Variants in DDX6 observed in about 807,000 individuals in gnomAD.
DDX6 encodes the protein DEAD-box helicase 6.
Under a neutral mutation model 60.6 loss-of-function variants are expected in DDX6, and 7 were observed. That is an observed-to-expected ratio of 0.12 (90% CI 0.07 to 0.22). The LOEUF is 0.22. Among genes scored for constraint, DDX6 ranks in the 10% least tolerant of loss-of-function variants. DDX6 has a pLI of 1.00. For synonymous variants in DDX6, 207 were observed against 201.0 expected, an observed-to-expected ratio of 1.03 and a Z score of -0.25; for missense variants, 270 against 589.9, an observed-to-expected ratio of 0.46 and a Z score of 5.62.
intron 4 of DDX6, among the ~76,000 whole-genome samples, chr11:118,774,997 C>T (rs546430581): frequency 4.6e-5 from 7 of 152,110 alleles, no homozygotes; most frequent in Non-Finnish European, 1.0e-4. Flanking sequence ...GATGGGTGCA[C>T]CCAAATCTCA....
intron 13 of DDX6, among the ~76,000 whole-genome samples, chr11:118,753,804 A>G (rs1555158048): frequency 6.6e-6 from 1 of 152,118 alleles, no homozygotes; most frequent in Non-Finnish European, 1.5e-5. Flanking sequence ...TTCATATTCA[A>G]AACTGCTGGC....
At chr11:118,756,400 C>T (rs935245913) in intron 10 of DDX6, 77 bp from the exon 11 acceptor site, 49 of 1,169,636 alleles carry the variant, frequency 4.2e-5, no homozygotes, top group African/African-American at 1.4e-4. Context: ...TTCTCCCAGA[C>T]GATCAGTTCT....
intron 7 of DDX6, among the ~76,000 whole-genome samples, chr11:118,762,373 T>C (rs1555160441): frequency 6.6e-6 from 1 of 152,014 alleles, no homozygotes; most frequent in East Asian, 1.9e-4. Flanking sequence ...TAGATCCTCC[T>C]TGACTTACAA....
intron 7 of DDX6, among the ~76,000 whole-genome samples, chr11:118,762,763 C>T (rs1555160520): frequency 6.6e-6 from 1 of 152,126 alleles, no homozygotes; most frequent in Admixed American, 6.6e-5. Context: ...ATGGCTAGAT[C>T]CCAGGACTAC....
intron 4 of DDX6, among the ~76,000 whole-genome samples, chr11:118,770,205 T>C (rs1861491719): frequency 6.6e-6 from 1 of 151,926 alleles, no homozygotes; most frequent in South Asian, 2.1e-4. Flanking sequence ...CTTGTATTTT[T>C]AGTAGAGACG....
chr11:118,773,660 G>GAA (rs880002071), intron 4 of DDX6, among the ~76,000 whole-genome samples: 10 of 144,076 alleles, frequency 6.9e-5, no homozygotes, highest in South Asian at 2.2e-4. Flanking sequence ...TGCTTAACAG[G>GAA]AAAAAAAAAA....
At chr11:118,783,197 C>T (rs533462673) in intron 2 of DDX6, among the ~76,000 whole-genome samples, 7 of 152,038 alleles carry the variant, frequency 4.6e-5, no homozygotes, top group South Asian at 4.2e-4. Context: ...TTTGAAGAAC[C>T]GCAGAACTGA....
chr11:118,782,831 G>C (rs1861943887), intron 2 of DDX6, among the ~76,000 whole-genome samples: 1 of 152,078 alleles, frequency 6.6e-6, no homozygotes, highest in African/African-American at 2.4e-5. Context: ...TTTTAGTAGA[G>C]ACGGGGATTC....
rs941409680 is a variant in DDX6 at position 118,786,236 on chromosome 11, T to C, written c.16A>G (p.Thr6Ala). The change falls in exon 2 of 14, where the codon ACA (threonine) becomes GCA (alanine). Residue 6 changes from threonine to alanine, a missense_variant. Transcript: ENST00000534980. Reference protein sequence around the residue: MSTARTENPVIMGLSS... With the variant: MSTARAENPVIMGLSS... Reference sequence around the variant, plus strand: ...AGACCCATTATAACAGGGTTCTCTGTTCTGGCCGTGCTCATGCTGTTTTAA... The same window carrying C: ...AGACCCATTATAACAGGGTTCTCTGCTCTGGCCGTGCTCATGCTGTTTTAA... 4.4e-6 allele frequency: 7 copies of C among 1,608,952 alleles called. No homozygotes were observed. The highest frequency in any genetic ancestry group is 5.9e-6 in the Non-Finnish European group (7 of 1,177,650).
chr11:118,786,320 A>G lies in DDX6; in HGVS notation c.-69T>C. 7.4e-7 allele frequency: 1 copy of G among 1,357,734 alleles called. No homozygotes were observed. Among genetic ancestry groups the G allele is most frequent in the African/African-American group, 1.5e-5 (1 of 68,836 alleles). The allele number at this position is 1,357,734 out of a possible 1,614,324, so 84.1% of individuals were successfully genotyped here. A position where few individuals can be genotyped will look rare whatever the true frequency, so the allele number is the denominator to read the frequency against. ...AAGTCAGTAGAGAAACTGTAATAAC[A>G]GTTTATTAGGCTCTCCAAAATGAAG... On this transcript the variant is annotated 5_prime_UTR_variant, in exon 2 of 14. Transcript: ENST00000534980.
rs1860744815 is a variant in DDX6 at position 118,751,048 on chromosome 11, A to G, written c.*1057T>C. The G allele has an allele frequency of 7.2e-6, 1 of 138,530 alleles. No individual in the cohort carries two copies. Among genetic ancestry groups the G allele is most frequent in the African/African-American group, 2.7e-5 (1 of 37,070 alleles). 8.6% of individuals were successfully genotyped at this position (138,530 alleles called of 1,614,324 possible). A position where few individuals can be genotyped will look rare whatever the true frequency, so the allele number is the denominator to read the frequency against. On this transcript the variant is annotated 3_prime_UTR_variant, in exon 14 of 14. Transcript: ENST00000534980. ...CCTTAATCCCAGCAACCTTCATCCA[A>G]AAAAAAATATATATATATGTATATA...
chr11:118,752,145 C>G (rs1555157600), intron 13 of DDX6, 48 bp from the exon 14 acceptor site: 2 of 211,068 alleles, frequency 9.5e-6, no homozygotes, highest in Non-Finnish European at 9.7e-6. Flanking sequence ...GCAACACAAA[C>G]TAGGATACAT....
In DDX6 at chr11:118,759,031, A is replaced by G. The variant is rs1416339574; in HGVS notation, c.865-129T>C. 4.1e-6 allele frequency: 5 copies of G among 1,206,610 alleles called. No homozygotes were observed. In the African/African-American group the frequency reaches 6.1e-5, roughly 15 times the overall value. The allele number at this position is 1,206,610 out of a possible 1,614,324, so 74.7% of individuals were successfully genotyped here. A position where few individuals can be genotyped will look rare whatever the true frequency, so the allele number is the denominator to read the frequency against. The stretch of plus-strand genomic sequence containing the variant: ...CTGTAAGGGACGCAACTCTCTTCAA[A>G]ACAAAATATATGATCTGTCATTACA... On this transcript the variant is annotated intron_variant, in intron 8 of 13. Transcript: ENST00000534980.
upstream of DDX6, chr11:118,791,336 T>C (rs7933859): frequency 0.86 from 131,056 of 152,036 alleles, 56,722 homozygotes; most frequent in East Asian, 1. Context: ...TGAGAGGAAG[T>C]CGGGCCGCGA....
chr11:118,758,716 T>C, intron 9 of DDX6, 58 bp downstream of exon 9: 2 of 1,584,608 alleles, frequency 1.3e-6, no homozygotes, highest in South Asian at 1.1e-5. Context: ...ATTGATGAAA[T>C]CATCTGTTTT....
At chr11:118,782,265 A>G (rs1861924583) in intron 2 of DDX6, among the ~76,000 whole-genome samples, 1 of 152,362 alleles carries the variant, frequency 6.6e-6, no homozygotes, top group South Asian at 2.1e-4. Flanking sequence ...ATAATAGCAC[A>G]GTATTAGCCA....
chr11:118,788,370 C>T (rs1283789163), intron 1 of DDX6: 1 of 152,264 alleles, frequency 6.6e-6, no homozygotes, highest in Non-Finnish European at 1.5e-5. Flanking sequence ...TAAAATTATC[C>T]CGTAAATGGA....
Position 118,786,345 on chromosome 11 carries a change from G to A in DDX6, c.-94C>T, listed in dbSNP as rs1034307201. ...AGTTTATTAGGCTCTCCAAAATGAA[G>A]AGATAAATATAAGTCTTGCTCAATA... On this transcript the variant is annotated 5_prime_UTR_variant, in exon 2 of 14. Transcript: ENST00000534980. The A allele has an allele frequency of 9.1e-7, 1 of 1,094,846 alleles. No individual in the cohort carries two copies. The highest frequency in any genetic ancestry group is 1.3e-6 in the Non-Finnish European group (1 of 769,630). The allele number at this position is 1,094,846 out of a possible 1,614,324, so 67.8% of individuals were successfully genotyped here.
intron 2 of DDX6, 149 bp downstream of exon 2, chr11:118,785,903 A>T: frequency 1.5e-6 from 1 of 647,126 alleles, no homozygotes; most frequent in Non-Finnish European, 2.5e-6. Context: ...TTCTATTGCA[A>T]ATACCTACTG....
Sources: gnomAD v4.1 joint callset for allele counts (sites outside exome capture counted in the v4.1 genomes callset) on GRCh38, gnomAD v4.1.1 for gene constraint, MANE v1.5 for transcripts, NCBI Gene and HGNC (gene_info 2026-07-23, HGNC 2026-07-21) for gene names.